CDK6: variants seen among roughly 807,000 people sequenced by gnomAD.
CDK6 encodes the protein cyclin dependent kinase 6, also known as cyclin-dependent kinase 6.
In CDK6, 6 loss-of-function variants were observed where a neutral mutation model predicts 37.1. That is an observed-to-expected ratio of 0.16 (90% CI 0.09 to 0.32). The LOEUF (loss-of-function observed/expected upper bound fraction) is 0.32, where lower values mean the gene tolerates loss of function less well. Ranked by LOEUF, CDK6 falls within the 10% of genes least tolerant of loss-of-function variation. CDK6 has a pLI of 1.00. For synonymous variants in CDK6, 160 were observed against 161.3 expected, an observed-to-expected ratio of 0.99 and a Z score of 0.06; for missense variants, 224 against 418.9, an observed-to-expected ratio of 0.53 and a Z score of 4.06.
chr7:92,681,902 C>T (rs1052803296), intron 4 of CDK6, among the ~76,000 whole-genome samples: 5 of 152,206 alleles, frequency 3.3e-5, no homozygotes, highest in Admixed American at 6.5e-5. Context: ...AACTGTCTCC[C>T]GGACATCACT....
intron 2 of CDK6, among the ~76,000 whole-genome samples, chr7:92,823,443 TAAAAAAAAAA>T (rs34132527): frequency 6.7e-5 from 5 of 74,846 alleles, no homozygotes; most frequent in East Asian, 1.2e-3. Flanking sequence ...TCTTAATATG[TAAAAAAAAAA>T]AAAAAAAAAA....
rs1795596832 is a variant in CDK6, at chr7:92,613,042, C to G, written c.*2098G>C. Reference sequence around the variant, plus strand: ...ATTTATAGTACTGACAACACCTAATCAATGTTGTCACAACGAAAGTAGAAA... The same window carrying G: ...ATTTATAGTACTGACAACACCTAATGAATGTTGTCACAACGAAAGTAGAAA... On this transcript the variant is annotated 3_prime_UTR_variant, in exon 8 of 8. Coordinates refer to ENST00000424848, the MANE Select transcript of CDK6 (RefSeq NM_001145306.2). The G allele has an allele frequency of 4.3e-6, 1 of 233,010 alleles. No individual in the cohort carries two copies. The highest frequency in any genetic ancestry group is 8.5e-6 in the Non-Finnish European group (1 of 118,010). The allele number at this position is 233,010 out of a possible 1,614,324, so 14.4% of individuals were successfully genotyped here. A position where few individuals can be genotyped will look rare whatever the true frequency, so the allele number is the denominator to read the frequency against.
chr7:92,611,346 C>G lies in CDK6; in HGVS notation c.*3794G>C, dbSNP rs768569481. On this transcript the variant is annotated 3_prime_UTR_variant, in exon 8 of 8. Coordinates refer to ENST00000424848, the MANE Select transcript of CDK6 (RefSeq NM_001145306.2). ...TTAAGTAATTATGGTGGCATATTCA[C>G]TTTTAACATTATTTTTTCCTAGACT... 1 of 227,440 alleles carries G rather than the reference C, an allele frequency of 4.4e-6. No homozygotes were observed. Among genetic ancestry groups the G allele is most frequent in the Non-Finnish European group, 8.7e-6 (1 of 114,666 alleles). 14.1% of individuals were successfully genotyped at this position (227,440 alleles called of 1,614,324 possible).
intron 2 of CDK6, among the ~76,000 whole-genome samples, chr7:92,796,146 G>GT (rs899259917): frequency 1.2e-4 from 18 of 148,168 alleles, no homozygotes; most frequent in South Asian, 4.3e-4. Flanking sequence ...GCATGTATCA[G>GT]TTTTTTTTTC....
At chr7:92,786,284 C>G (rs910866455) in intron 2 of CDK6, among the ~76,000 whole-genome samples, 53 of 152,308 alleles carry the variant, frequency 3.5e-4, no homozygotes, top group African/African-American at 1.2e-3. Flanking sequence ...AGCCAAAAAC[C>G]TTTCATAATC....
In CDK6 at chr7:92,715,174, G is replaced by A. The variant is rs186250205; in HGVS notation, c.537+10452C>T. Reference sequence around the variant, plus strand: ...TTTAAAAAAGTAATTATTAAAAATCGAAATGGGAAAAAAGAAAGGGAAGGA... The same window carrying A: ...TTTAAAAAAGTAATTATTAAAAATCAAAATGGGAAAAAAGAAAGGGAAGGA... On this transcript the variant is annotated intron_variant, in intron 4 of 7. Coordinates refer to ENST00000424848, the MANE Select transcript of CDK6 (RefSeq NM_001145306.2). 4.1e-3 allele frequency among the ~76,000 whole-genome samples: 626 copies of A among 152,102 alleles called. 4 individuals are homozygous for A. Among genetic ancestry groups the A allele is most frequent in the Middle Eastern group, 0.01 (3 of 294 alleles).
chr7:92,807,745 T>C (rs1240521916), intron 2 of CDK6, among the ~76,000 whole-genome samples: 1 of 152,146 alleles, frequency 6.6e-6, no homozygotes, highest in Non-Finnish European at 1.5e-5. Flanking sequence ...GTGTTTCCAT[T>C]GGACATGACA....
At chr7:92,717,492 A>G (rs1798257565) in intron 4 of CDK6, among the ~76,000 whole-genome samples, 1 of 151,984 alleles carries the variant, frequency 6.6e-6, no homozygotes, top group Non-Finnish European at 1.5e-5. Flanking sequence ...GAAAGAAAAG[A>G]AAGAAAAGAA....
intron 3 of CDK6, among the ~76,000 whole-genome samples, chr7:92,760,023 C>T (rs1799415969): frequency 6.6e-6 from 1 of 152,156 alleles, no homozygotes; most frequent in South Asian, 2.1e-4. Context: ...CCTGTACCTG[C>T]TAATCCAGGA....
chr7:92,671,105 A>G (rs1396198008), intron 5 of CDK6: 1 of 179,012 alleles, frequency 5.6e-6, no homozygotes, highest in Non-Finnish European at 1.2e-5. Flanking sequence ...ACTTTGAGAT[A>G]TTTCTTCACT....
chr7:92,677,331 T>C (rs1391361125), intron 4 of CDK6, among the ~76,000 whole-genome samples: 1 of 152,130 alleles, frequency 6.6e-6, no homozygotes, highest in Non-Finnish European at 1.5e-5. Flanking sequence ...AATAACAAAC[T>C]ACTGGGCCAG....
rs115613770 is a variant in CDK6 at position 92,764,486 on chromosome 7, C to G, written c.369+10210G>C. Among the ~76,000 whole-genome samples, 502 of 152,282 alleles carry G rather than the reference C, an allele frequency of 3.3e-3. 2 individuals carry two copies. Among genetic ancestry groups the G allele is most frequent in the African/African-American group, 0.012 (481 of 41,558 alleles). ...GGAATTCTCTTTTACTCCCTAAACT[C>G]CAAGTGTCACAGTGCCCAGATGCTA... On this transcript the variant is annotated intron_variant, in intron 3 of 7. Transcript: ENST00000424848.
chr7:92,833,402 C>CT lies in CDK6; in HGVS notation c.-80dup. On this transcript the variant is annotated 5_prime_UTR_variant, in exon 2 of 8. Transcript: ENST00000424848. The surrounding 1 kb of genome is among the most constrained non-coding windows in gnomAD (Gnocchi z 6.1). ...CAACTAGCTGGCGGCCGCCGCTCGC[C>CT]TACTCCGGGGCTCCCCGGAGATCGG... The CT allele has an allele frequency of 1.0e-6, 1 of 1,004,738 alleles. No homozygotes were observed. The highest frequency in any genetic ancestry group is 1.4e-6 in the Non-Finnish European group (1 of 701,288). The allele number at this position is 1,004,738 out of a possible 1,614,324, so 62.2% of individuals were successfully genotyped here.
intron 3 of CDK6, among the ~76,000 whole-genome samples, chr7:92,741,318 G>A (rs1029707871): frequency 2.6e-5 from 4 of 152,180 alleles, no homozygotes; most frequent in Admixed American, 6.5e-5. Flanking sequence ...CAGATAAAAC[G>A]TAGGACACTA....
Position 92,611,617 on chromosome 7 carries a change from A to C in CDK6, c.*3523T>G. On this transcript the variant is annotated 3_prime_UTR_variant, in exon 8 of 8. Coordinates refer to ENST00000424848, the MANE Select transcript of CDK6 (RefSeq NM_001145306.2). Reference sequence around the variant, plus strand: ...TCTTAAACACTCACTTTAAATACATAATTTAAAGTTCAAAATGTTTGGTAC... The same window carrying C: ...TCTTAAACACTCACTTTAAATACATCATTTAAAGTTCAAAATGTTTGGTAC... The C allele has an allele frequency of 4.4e-6, 1 of 228,920 alleles. No individual in the cohort carries two copies. The highest frequency in any genetic ancestry group is 1.3e-3 in the Middle Eastern group (1 of 752). 14.2% of individuals were successfully genotyped at this position (228,920 alleles called of 1,614,324 possible).
At chr7:92,698,980 T>C (rs1266390996) in intron 4 of CDK6, among the ~76,000 whole-genome samples, 1 of 152,234 alleles carries the variant, frequency 6.6e-6, no homozygotes, top group Non-Finnish European at 1.5e-5. Context: ...GCTACTATTA[T>C]AAAGAACATC....
At chr7:92,754,720 T>A (rs576921761) in intron 3 of CDK6, among the ~76,000 whole-genome samples, 1 of 152,330 alleles carries the variant, frequency 6.6e-6, no homozygotes, top group Non-Finnish European at 1.5e-5. Flanking sequence ...TCTTTTCTCA[T>A]CTTGGATTGC....
intron 2 of CDK6, among the ~76,000 whole-genome samples, chr7:92,814,310 C>G (rs1247589157): frequency 6.6e-6 from 1 of 152,126 alleles, no homozygotes; most frequent in East Asian, 1.9e-4. Flanking sequence ...ATACTGTCCT[C>G]TAAATTAAGG....
chr7:92,674,071 C>T lies in CDK6; in HGVS notation c.538-2536G>A, dbSNP rs549777662. Among the ~76,000 whole-genome samples, 154 of 151,554 alleles carry T rather than the reference C, an allele frequency of 1.0e-3. 1 individual carries two copies. Among genetic ancestry groups the T allele is most frequent in the African/African-American group, 3.6e-3 (147 of 41,278 alleles). On this transcript the variant is annotated intron_variant, in intron 4 of 7. Coordinates refer to ENST00000424848, the MANE Select transcript of CDK6 (RefSeq NM_001145306.2). ...ATAAGATTACAGGCATGAGCCACTG[C>T]GCCTCCCCCTTTCTTCTTTTTTTTT...
Sources: gnomAD v4.1 joint callset for allele counts (sites outside exome capture counted in the v4.1 genomes callset) on GRCh38, gnomAD v4.1.1 for gene constraint, Gnocchi (gnomAD v3.1) non-coding constraint, MANE v1.5 for transcripts, NCBI Gene and HGNC (gene_info 2026-07-23, HGNC 2026-07-21) for gene names.